ARL10: variants seen among roughly 807,000 people sequenced by gnomAD.
The protein encoded by ARL10 is ARF like GTPase 10.
ARL10 carries 23 observed loss-of-function variants against 26.1 expected under a neutral mutation model. The ratio of observed to expected loss-of-function variants is 0.88; its 90% CI spans 0.63 to 1.25. ARL10 has a LOEUF of 1.25. ARL10 is among the 50% of genes most tolerant of loss of function. The pLI, the probability that ARL10 is intolerant of heterozygous loss-of-function variation, is 0.00. For missense variants in ARL10, 300 were observed against 323.6 expected, an observed-to-expected ratio of 0.93 and a Z score of 0.56; for synonymous variants, 138 against 149.1, an observed-to-expected ratio of 0.93 and a Z score of 0.54.
chr5:176,388,643 T>TG, downstream of ARL10: 1 of 1,352,796 alleles, frequency 7.4e-7, no homozygotes, highest in Non-Finnish European at 1.0e-6. Context: ...TGCGGGCATT[T>TG]GGGGAAATGT....
chr5:176,404,012 C>T (rs887801427), downstream of ARL10, among the ~76,000 whole-genome samples: 2 of 152,176 alleles, frequency 1.3e-5, no homozygotes, highest in Non-Finnish European at 2.9e-5. Flanking sequence ...GCCTCAGCCT[C>T]CCAAAGTGCT....
the ARL10 span, among the ~76,000 whole-genome samples, chr5:176,414,907 A>C: frequency 6.6e-6 from 1 of 152,264 alleles, no homozygotes; most frequent in Admixed American, 6.5e-5. Flanking sequence ...GTAGGTGCTC[A>C]GTAAACGTTG....
rs1419394561 is a variant in ARL10, at chr5:176,375,407, CT to C, written c.*3516del. The C allele has an allele frequency of 6.6e-6, 1 of 151,950 alleles. No individual in the cohort carries two copies. Among genetic ancestry groups the C allele is most frequent in the Non-Finnish European group, 1.5e-5 (1 of 68,022 alleles). 9.4% of individuals were successfully genotyped at this position (151,950 alleles called of 1,614,324 possible). On this transcript the variant is annotated 3_prime_UTR_variant, in exon 4 of 4. Transcript: ENST00000310389. ...GTGCGAATCTCTGTGCTACAAAATT[CT>C]TTTCAATTTAGCATTAACTTTAATT...
At position 176,372,959 on chromosome 5, in the gene ARL10, T is replaced by A. The variant is rs1768590110; in HGVS notation, c.*1064T>A. 5.0e-6 allele frequency: 2 copies of A among 398,468 alleles called. No individual in the cohort carries two copies. Among genetic ancestry groups the A allele is most frequent in the African/African-American group, 2.1e-5 (1 of 48,600 alleles). The allele number at this position is 398,468 out of a possible 1,614,324, so 24.7% of individuals were successfully genotyped here. ...ATACAGATGTCAGTGGAGACAAAGT[T>A]GTGGGTTCCTCCTCCCACCTGGCTT... On this transcript the variant is annotated 3_prime_UTR_variant, in exon 4 of 4. Transcript: ENST00000310389.
downstream of ARL10, chr5:176,385,364 G>A (rs759261985): frequency 1.5e-5 from 19 of 1,261,224 alleles, no homozygotes. Flanking sequence ...CAGGGAATGA[G>A]GCTTTGCTTT....
At chr5:176,411,977 C>T in the ARL10 span, among the ~76,000 whole-genome samples, 1 of 151,940 alleles carries the variant, frequency 6.6e-6, no homozygotes, top group Non-Finnish European at 1.5e-5. Context: ...GAGATCGAGA[C>T]CATCCTGGCT....
Position 176,378,737 on chromosome 5 carries a change from T to TG in ARL10, c.*6843dup, listed in dbSNP as rs890633966. On this transcript the variant is annotated 3_prime_UTR_variant, in exon 4 of 4. Coordinates refer to ENST00000310389, the MANE Select transcript of ARL10 (RefSeq NM_173664.6). ...ATAATTTCAAATGGGGGCCGGGCGC[T>TG]GTGGCTCACGCCGGGCGTGGTGGCA... is the stretch of plus-strand genomic sequence containing the variant. 16 of 152,258 alleles carry TG rather than the reference T, an allele frequency of 1.1e-4. No individual in the cohort carries two copies. Among genetic ancestry groups the TG allele is most frequent in the Admixed American group, 2.6e-4 (4 of 15,288 alleles). The allele number at this position is 152,258 out of a possible 1,614,324, so 9.4% of individuals were successfully genotyped here.
the ARL10 span, chr5:176,410,432 A>G: frequency 1.5e-6 from 1 of 674,200 alleles, no homozygotes. Flanking sequence ...ATGCAAACAG[A>G]CATAATGGAT....
chr5:176,369,098 C>T, intron 3 of ARL10, 116 bp downstream of exon 3: 1 of 1,538,742 alleles, frequency 6.5e-7, no homozygotes, highest in Admixed American at 2.0e-5. Flanking sequence ...AGATGCTGCC[C>T]CCACCTCTTC....
the ARL10 span, among the ~76,000 whole-genome samples, chr5:176,409,814 T>C: frequency 6.6e-6 from 1 of 152,220 alleles, no homozygotes; most frequent in Non-Finnish European, 1.5e-5. Context: ...CCATTATAAA[T>C]AACCCTGCAA....
At position 176,368,441 on chromosome 5, in the gene ARL10, T is replaced by C. The variant is rs1250422052; in HGVS notation, c.386-366T>C. On this transcript the variant is annotated intron_variant, in intron 2 of 3. Transcript: ENST00000310389. The surrounding 1 kb of genome is among the most constrained non-coding windows in gnomAD (Gnocchi z 4.1). The stretch of plus-strand genomic sequence containing the variant: ...AAGACTTCCATTTACTGAGCACCTG[T>C]GTGTCAGTCCCGTGAAAGGTACATC... Among the ~76,000 whole-genome samples the C allele has an allele frequency of 6.6e-6, 1 of 152,216 alleles. No homozygotes were observed. Among genetic ancestry groups the C allele is most frequent in the South Asian group, 2.1e-4 (1 of 4,830 alleles).
At chr5:176,404,080 G>A (rs572774934), downstream of ARL10, among the ~76,000 whole-genome samples, 6 of 152,348 alleles carry the variant, frequency 3.9e-5, no homozygotes, top group African/African-American at 1.4e-4. Flanking sequence ...TGTTTCACAG[G>A]TAGGTAAACT....
downstream of ARL10, chr5:176,388,775 G>A: frequency 6.3e-7 from 1 of 1,598,636 alleles, no homozygotes; most frequent in Non-Finnish European, 8.5e-7. Context: ...TCACCGGGAG[G>A]CTGAGGTCGG....
At position 176,380,603 on chromosome 5, in the gene ARL10, G is replaced by A. The variant is rs528567237; in HGVS notation, c.*8708G>A. 6.6e-6 allele frequency: 1 copy of A among 150,782 alleles called. No individual in the cohort carries two copies. Among genetic ancestry groups the A allele is most frequent in the Non-Finnish European group, 1.5e-5 (1 of 67,902 alleles). 9.3% of individuals were successfully genotyped at this position (150,782 alleles called of 1,614,324 possible). A position where few individuals can be genotyped will look rare whatever the true frequency, so the allele number is the denominator to read the frequency against. ...GCAATTCTCCTGCCTCAGCCTCTCA[G>A]CCTCCCGAGTAGCTGCGATCGATCA... On this transcript the variant is annotated 3_prime_UTR_variant, in exon 4 of 4. Transcript: ENST00000310389.
downstream of ARL10, chr5:176,406,835 A>G: frequency 1.5e-6 from 1 of 655,770 alleles, no homozygotes; most frequent in Non-Finnish European, 2.1e-6. Context: ...GCTCAATCCT[A>G]AAGAGCTGGG....
chr5:176,410,047 T>C, the ARL10 span, among the ~76,000 whole-genome samples: 1 of 152,286 alleles, frequency 6.6e-6, no homozygotes, highest in South Asian at 2.1e-4. Context: ...CTACTGCCCA[T>C]CAATCTCGAT....
At chr5:176,389,379 A>G, downstream of ARL10, 1 of 1,613,844 alleles carries the variant, frequency 6.2e-7, no homozygotes, top group Non-Finnish European at 8.5e-7. Flanking sequence ...TACTCCTTCC[A>G]CCGGGGCAAC....
intron 3 of ARL10, 34 bp downstream of exon 3, chr5:176,369,016 G>T: frequency 1.2e-6 from 2 of 1,610,752 alleles, no homozygotes; most frequent in South Asian, 1.1e-5. Context: ...CGGTCCAGGT[G>T]ACATCCACTC....
rs73803664 is a variant in ARL10 at position 176,373,361 on chromosome 5, C to T, written c.*1466C>T. 2,972 of 277,898 alleles carry T rather than the reference C, an allele frequency of 0.011. 70 individuals carry two copies. Among genetic ancestry groups the T allele is most frequent in the African/African-American group, 0.056 (2,588 of 46,260 alleles). The allele number at this position is 277,898 out of a possible 1,614,324, so 17.2% of individuals were successfully genotyped here. A position where few individuals can be genotyped will look rare whatever the true frequency, so the allele number is the denominator to read the frequency against. On this transcript the variant is annotated 3_prime_UTR_variant, in exon 4 of 4. Transcript: ENST00000310389. ...CTGGCTCTGTACTGACACTTATTAT[C>T]GGTACAGGCAAAGAGGAGCCTGTTG...
Sources: allele counts gnomAD v4.1 joint callset (sites outside exome capture counted in the v4.1 genomes callset), GRCh38; gene constraint gnomAD v4.1.1; non-coding constraint Gnocchi (gnomAD v3.1); transcripts MANE v1.5; gene names NCBI Gene and HGNC (gene_info 2026-07-23, HGNC 2026-07-21).